Variants in AIG1 observed in about 807,000 individuals in gnomAD.
The protein encoded by AIG1 is androgen-induced gene 1 protein.
Under a neutral mutation model 31.4 loss-of-function variants are expected in AIG1, and 23 were observed. That is an observed-to-expected ratio of 0.73 (90% CI 0.53 to 1.04). The LOEUF (loss-of-function observed/expected upper bound fraction) is 1.04. Ranked by LOEUF, AIG1 falls within the 50% of genes least tolerant of loss-of-function variation. AIG1 has a pLI of 0.00. For synonymous variants in AIG1, 100 were observed against 110.5 expected, an observed-to-expected ratio of 0.90 and a Z score of 0.60; for missense variants, 274 against 295.0, an observed-to-expected ratio of 0.93 and a Z score of 0.52.
At chr6:143,271,900 GT>G (rs911741356) in intron 3 of AIG1, among the ~76,000 whole-genome samples, 3 of 152,024 alleles carry the variant, frequency 2.0e-5, no homozygotes, top group Non-Finnish European at 4.4e-5. Context: ...AATTGCAAGT[GT>G]TTTTTTCTCT....
rs35498304 is a variant in AIG1 at position 143,331,846 on chromosome 6, TTTATTATTA to T, written c.516-1403_516-1395del. ...AAATGAGGTACATGTGTAGGTAATGTTTATTATTATTATTATTATTATTATTATTATTAT... is the reference window on the plus strand; with the variant it reads ...AAATGAGGTACATGTGTAGGTAATGTTTATTATTATTATTATTATTATTAT... On this transcript the variant is annotated intron_variant, in intron 4 of 5. Transcript: ENST00000357847. This position sits in a 1 kb window ranked among gnomAD's most constrained non-coding sequence, Gnocchi z 4.1. Among the ~76,000 whole-genome samples the T allele has an allele frequency of 0.051, 6,960 of 137,592 alleles. 169 individuals carry two copies. The highest frequency in any genetic ancestry group is 0.061 in the Non-Finnish European group (3,938 of 64,942). The allele number at this position is 137,592 out of a possible 152,430, so 90.3% of individuals were successfully genotyped here. A position where few individuals can be genotyped will look rare whatever the true frequency, so the allele number is the denominator to read the frequency against.
intron 3 of AIG1, among the ~76,000 whole-genome samples, chr6:143,269,835 G>C (rs6935548): frequency 0.039 from 5,971 of 152,294 alleles, 394 homozygotes; most frequent in African/African-American, 0.13. Flanking sequence ...GTGACAAGAA[G>C]AAGTCTGAAG....
intron 5 of AIG1, among the ~76,000 whole-genome samples, chr6:143,336,440 T>C (rs1036104561): frequency 6.6e-6 from 1 of 152,188 alleles, no homozygotes; most frequent in African/African-American, 2.4e-5. Flanking sequence ...GCCTTCTAAC[T>C]GATGTTCAGT....
chr6:143,103,974 G>A (rs1780574265), intron 1 of AIG1, among the ~76,000 whole-genome samples: 1 of 152,200 alleles, frequency 6.6e-6, no homozygotes. Flanking sequence ...GGAAGGAATT[G>A]ACAATGTTTC....
intron 3 of AIG1, among the ~76,000 whole-genome samples, chr6:143,212,274 C>T (rs1791653781): frequency 6.6e-6 from 1 of 152,144 alleles, no homozygotes; most frequent in African/African-American, 2.4e-5. Context: ...TGCTTCGAGC[C>T]CATTCTTCTC....
At chr6:143,067,059 T>G (rs1008288975) in intron 1 of AIG1, among the ~76,000 whole-genome samples, 2 of 151,894 alleles carry the variant, frequency 1.3e-5, no homozygotes, top group Admixed American at 6.6e-5. Context: ...CCCAGCTATG[T>G]GGGGGCTGGG....
chr6:143,323,903 G>T (rs967936196), intron 4 of AIG1, among the ~76,000 whole-genome samples: 1 of 152,194 alleles, frequency 6.6e-6, no homozygotes, highest in Admixed American at 6.5e-5. Flanking sequence ...CTCAGGCAAT[G>T]GTCCAAGGGA....
At chr6:143,259,653 T>C (rs1304900196) in intron 3 of AIG1, among the ~76,000 whole-genome samples, 1 of 152,208 alleles carries the variant, frequency 6.6e-6, no homozygotes, top group African/African-American at 2.4e-5. Context: ...AGTTTTCTCA[T>C]TCCTTGCGTG....
chr6:143,248,894 A>G (rs1194863459), intron 3 of AIG1, among the ~76,000 whole-genome samples: 3 of 152,196 alleles, frequency 2.0e-5, no homozygotes, highest in Non-Finnish European at 2.9e-5. Flanking sequence ...ACATTTTTCA[A>G]AAAAATTGAA....
At chr6:143,097,699 G>T (rs1779917943) in intron 1 of AIG1, among the ~76,000 whole-genome samples, 1 of 152,112 alleles carries the variant, frequency 6.6e-6, no homozygotes, top group Admixed American at 6.6e-5. Context: ...CTCTCACTCA[G>T]CTGTCTCTTT....
intron 3 of AIG1, among the ~76,000 whole-genome samples, chr6:143,250,154 G>A (rs1413235347): frequency 6.6e-6 from 1 of 152,230 alleles, no homozygotes; most frequent in Non-Finnish European, 1.5e-5. Context: ...AGGTGCATGG[G>A]CCCTAGGGCT....
chr6:143,318,879 C>G (rs551818089), intron 4 of AIG1, among the ~76,000 whole-genome samples: 29 of 152,054 alleles, frequency 1.9e-4, no homozygotes, highest in South Asian at 4.2e-4. Context: ...TGAAAAAATG[C>G]TCAACATCAC....
At chr6:143,090,624 C>T (rs2128475542) in intron 1 of AIG1, among the ~76,000 whole-genome samples, 1 of 152,312 alleles carries the variant, frequency 6.6e-6, no homozygotes, top group African/African-American at 2.4e-5. Context: ...TGTAATCTAC[C>T]AAGTGTGCAA....
intron 1 of AIG1, among the ~76,000 whole-genome samples, chr6:143,128,894 GT>G (rs1280142065): frequency 1.3e-5 from 2 of 152,212 alleles, no homozygotes; most frequent in Non-Finnish European, 2.9e-5. Context: ...AGGATAGACT[GT>G]TTCATCATTT....
chr6:143,264,438 T>C (rs1796014988), intron 3 of AIG1, among the ~76,000 whole-genome samples: 1 of 152,300 alleles, frequency 6.6e-6, no homozygotes, highest in South Asian at 2.1e-4. Flanking sequence ...TCCCCCACTG[T>C]GAAAAACTGA....
intron 3 of AIG1, among the ~76,000 whole-genome samples, chr6:143,184,889 A>C (rs1194653597): frequency 2.6e-5 from 4 of 152,182 alleles, no homozygotes; most frequent in East Asian, 1.9e-4. Context: ...AGAGTGTGGC[A>C]ACCCCCAATA....
chr6:143,259,282 G>T (rs1013739630), intron 3 of AIG1, among the ~76,000 whole-genome samples: 2 of 152,168 alleles, frequency 1.3e-5, no homozygotes, highest in Non-Finnish European at 2.9e-5. Flanking sequence ...AAGACAACCT[G>T]CATTTGCCAG....
intron 3 of AIG1, among the ~76,000 whole-genome samples, chr6:143,172,701 CT>C (rs1031784802): frequency 3.3e-5 from 5 of 152,046 alleles, no homozygotes; most frequent in Non-Finnish European, 2.9e-5. Context: ...TGGCCCTGGA[CT>C]TTTTTTGTTG....
chr6:143,081,954 C>T (rs1290552017), intron 1 of AIG1, among the ~76,000 whole-genome samples: 1 of 150,888 alleles, frequency 6.6e-6, no homozygotes, highest in Non-Finnish European at 1.5e-5. Context: ...CCTATATTTC[C>T]CTTTCCTTTC....
Sources: allele counts gnomAD v4.1 joint callset (sites outside exome capture counted in the v4.1 genomes callset), GRCh38; gene constraint gnomAD v4.1.1; non-coding constraint Gnocchi (gnomAD v3.1); transcripts MANE v1.5; gene names NCBI Gene and HGNC (gene_info 2026-07-23, HGNC 2026-07-21).